HDAC9: variants seen among roughly 807,000 people sequenced by gnomAD.
The protein encoded by HDAC9 is MEF-2 interacting transcription repressor (MITR) protein.
A neutral mutation model predicts 139.4 loss-of-function variants in HDAC9; 41 were observed. The ratio of observed to expected loss-of-function variants is 0.29; its 90% CI spans 0.23 to 0.38. HDAC9 has a LOEUF of 0.38. Among genes scored for constraint, HDAC9 ranks in the 10% least tolerant of loss-of-function variants. The pLI, the probability that HDAC9 is intolerant of heterozygous loss-of-function variation, is 1.00. For synonymous variants in HDAC9, 517 were observed against 476.2 expected (o/e 1.09, Z -1.12); for missense variants, 1,147 against 1,297.0 (o/e 0.88, Z 1.78).
chr7:18,559,710 C>A (rs1023510632), intron 2 of HDAC9, among the ~76,000 whole-genome samples: 14 of 152,160 alleles, frequency 9.2e-5, no homozygotes, highest in Non-Finnish European at 1.6e-4. Flanking sequence ...GTAGTTGACA[C>A]CTACTTTCCT....
At chr7:18,406,446 G>A (rs1461710374) in intron 1 of HDAC9, among the ~76,000 whole-genome samples, 2 of 151,700 alleles carry the variant, frequency 1.3e-5, no homozygotes, top group Admixed American at 1.3e-4. Flanking sequence ...GGGCTGGAGT[G>A]CAAGTGGTGC....
intron 11 of HDAC9, among the ~76,000 whole-genome samples, chr7:18,664,649 A>G (rs189057700): frequency 2.0e-5 from 3 of 151,784 alleles, no homozygotes; most frequent in Non-Finnish European, 2.9e-5. Flanking sequence ...CACCCCTCAC[A>G]CATGTAACTT....
intron 17 of HDAC9, among the ~76,000 whole-genome samples, chr7:18,817,342 T>C (rs1265901058): frequency 1.3e-5 from 2 of 152,118 alleles, no homozygotes; most frequent in Non-Finnish European, 2.9e-5. Context: ...CCGAGAAGTA[T>C]TATTTATATT....
intron 2 of HDAC9, among the ~76,000 whole-genome samples, chr7:18,569,047 CA>C (rs1017305240): frequency 1.8e-4 from 27 of 147,556 alleles, no homozygotes; most frequent in African/African-American, 6.2e-4. Context: ...AATTCTGTCT[CA>C]AAAAAATAAA....
At chr7:18,362,987 C>T (rs1783901005) in intron 1 of HDAC9, among the ~76,000 whole-genome samples, 1 of 151,984 alleles carries the variant, frequency 6.6e-6, no homozygotes, top group Non-Finnish European at 1.5e-5. Flanking sequence ...CCTGGAGATA[C>T]CAGTTTCAGA....
chr7:18,567,624 ATT>A (rs1822807306), intron 2 of HDAC9, among the ~76,000 whole-genome samples: 1 of 152,122 alleles, frequency 6.6e-6, no homozygotes, highest in African/African-American at 2.4e-5. Context: ...ATTTCCTATG[ATT>A]TTGGGTTATA....
intron 2 of HDAC9, among the ~76,000 whole-genome samples, chr7:18,560,998 C>T (rs1007768409): frequency 2.0e-5 from 3 of 152,028 alleles, no homozygotes; most frequent in East Asian, 1.9e-4. Context: ...AGGATACCAC[C>T]GATATTCTTA....
chr7:18,564,240 GA>G (rs113297602), intron 2 of HDAC9, among the ~76,000 whole-genome samples: 2,715 of 146,302 alleles, frequency 0.019, 85 homozygotes, highest in African/African-American at 0.063. Flanking sequence ...CCATACAATT[GA>G]AAAAAAAAAA....
intron 13 of HDAC9, among the ~76,000 whole-genome samples, chr7:18,746,619 C>G (rs1476764734): frequency 6.6e-6 from 1 of 152,110 alleles, no homozygotes; most frequent in African/African-American, 2.4e-5. Flanking sequence ...CCAAGGAGAT[C>G]CACCAATTAA....
chr7:18,474,718 A>G (rs1352711615), intron 1 of HDAC9, among the ~76,000 whole-genome samples: 1 of 152,204 alleles, frequency 6.6e-6, no homozygotes, highest in Non-Finnish European at 1.5e-5. Context: ...CACAGCATCA[A>G]ACCTGAAAGT....
At chr7:18,963,509 G>T (rs1208632914) in intron 24 of HDAC9, among the ~76,000 whole-genome samples, 1 of 152,144 alleles carries the variant, frequency 6.6e-6, no homozygotes, top group African/African-American at 2.4e-5. Context: ...GGGAGAGTTG[G>T]CAGAAATGAG....
At chr7:18,664,995 A>G (rs1464009866) in intron 11 of HDAC9, among the ~76,000 whole-genome samples, 2 of 152,134 alleles carry the variant, frequency 1.3e-5, no homozygotes, top group Admixed American at 1.3e-4. Flanking sequence ...AAATCAAAGG[A>G]CTTTGTTAGT....
chr7:18,732,646 T>TGC lies in HDAC9; in HGVS notation c.1909+4890_1909+4891insCG, dbSNP rs553451713. Among the ~76,000 whole-genome samples the TGC allele has an allele frequency of 4.1e-3, 491 of 120,282 alleles. 103 individuals carry two copies. The highest frequency in any genetic ancestry group is 0.016 in the African/African-American group (420 of 26,062). 78.9% of individuals were successfully genotyped at this position (120,282 alleles called of 152,430 possible). A position where few individuals can be genotyped will look rare whatever the true frequency, so the allele number is the denominator to read the frequency against. Reference sequence around the variant, plus strand: ...ACACACGTGTATATGTGTGCATATGTGTATATATACACACACACGTGTATA... The same window carrying TGC: ...ACACACGTGTATATGTGTGCATATGTGCGTATATATACACACACACGTGTATA... On this transcript the variant is annotated intron_variant, in intron 13 of 25. Coordinates refer to ENST00000686413, the MANE Select transcript of HDAC9 (RefSeq NM_178425.4).
chr7:18,449,555 T>C (rs1030475658), intron 1 of HDAC9, among the ~76,000 whole-genome samples: 6 of 152,246 alleles, frequency 3.9e-5, no homozygotes, highest in South Asian at 4.1e-4. Context: ...TGTTTACTTA[T>C]ATTAATACAC....
intron 12 of HDAC9, among the ~76,000 whole-genome samples, chr7:18,714,083 TC>T (rs1784533912): frequency 2.0e-5 from 3 of 152,216 alleles, no homozygotes; most frequent in Non-Finnish European, 4.4e-5. Flanking sequence ...CACTGTCATT[TC>T]TTTATTTTAT....
At chr7:18,965,804 C>A (rs530242651) in intron 24 of HDAC9, among the ~76,000 whole-genome samples, 1 of 152,260 alleles carries the variant, frequency 6.6e-6, no homozygotes, top group East Asian at 1.9e-4. Context: ...CAAAAACTCT[C>A]CAGGGGCACT....
intron 22 of HDAC9, among the ~76,000 whole-genome samples, chr7:18,891,384 T>A (rs1585237956): frequency 1.3e-5 from 2 of 152,162 alleles, no homozygotes; most frequent in African/African-American, 4.8e-5. Context: ...GTCCTCTACT[T>A]TAAGAGCTGC....
At chr7:18,564,280 G>A (rs1391464808) in intron 2 of HDAC9, among the ~76,000 whole-genome samples, 1 of 151,748 alleles carries the variant, frequency 6.6e-6, no homozygotes, top group African/African-American at 2.4e-5. Context: ...TAATTAATCT[G>A]TCCTGATTTT....
intron 19 of HDAC9, among the ~76,000 whole-genome samples, 168 bp from the exon 20 acceptor site, chr7:18,835,299 G>C (rs1241015143): frequency 6.6e-6 from 1 of 152,148 alleles, no homozygotes; most frequent in Non-Finnish European, 1.5e-5. Flanking sequence ...GAAGTAAAGG[G>C]GGTGGTGTGG....
Sources: gnomAD v4.1 joint callset for allele counts (sites outside exome capture counted in the v4.1 genomes callset) on GRCh38, gnomAD v4.1.1 for gene constraint, MANE v1.5 for transcripts, NCBI Gene and HGNC (gene_info 2026-07-23, HGNC 2026-07-21) for gene names.